CYTH1: variants seen among roughly 807,000 people sequenced by gnomAD.
CYTH1 encodes cytohesin 1.
In CYTH1, 18 loss-of-function variants were observed where a neutral mutation model predicts 61.8. The ratio of observed to expected loss-of-function variants is 0.29; its 90% CI spans 0.20 to 0.43. The LOEUF is 0.43. Ranked by LOEUF, CYTH1 falls within the 20% of genes least tolerant of loss-of-function variation. The probability of loss-of-function intolerance (pLI) is 1.00; values close to 1 mark genes in which losing one functional copy is unlikely to be tolerated. For synonymous variants in CYTH1, 174 were observed against 184.3 expected (o/e 0.94, Z 0.45); for missense variants, 336 against 510.5 (o/e 0.66, Z 3.29).
At chr17:78,749,168 A>T (rs1416086220) in intron 1 of CYTH1, among the ~76,000 whole-genome samples, 1 of 152,138 alleles carries the variant, frequency 6.6e-6, no homozygotes, top group Admixed American at 6.5e-5. Context: ...TTGGGAGGCC[A>T]AGGTGGGAGG....
chr17:78,701,629 C>A, intron 6 of CYTH1, 42 bp downstream of exon 6: 1 of 1,576,230 alleles, frequency 6.3e-7, no homozygotes, highest in Non-Finnish European at 8.7e-7. Context: ...CAAAGGCTAG[C>A]CTCCCACTCC....
In CYTH1 at chr17:78,726,271, T is replaced by C. The variant is rs575880805; in HGVS notation, c.23-16539A>G. Among the ~76,000 whole-genome samples the C allele has an allele frequency of 5.9e-5, 9 of 152,192 alleles. 1 individual carries two copies. The highest frequency in any genetic ancestry group is 1.7e-4 in the African/African-American group (7 of 41,524). ...ATTAGCCAGGATGGTCTCGATCTCC[T>C]GACCTTGTGATCTGCCCGCCTCAGC... On this transcript the variant is annotated intron_variant, in intron 1 of 13. Coordinates refer to ENST00000446868, the MANE Select transcript of CYTH1 (RefSeq NM_004762.6).
chr17:78,676,257 G>A (rs995822874), intron 13 of CYTH1, 88 bp from the exon 14 acceptor site: 239 of 1,348,520 alleles, frequency 1.8e-4, no homozygotes, highest in Non-Finnish European at 2.2e-4. Context: ...GGGGCCCCTC[G>A]TGCCCCAGAA....
intron 11 of CYTH1, among the ~76,000 whole-genome samples, chr17:78,689,587 CCG>C (rs1409095322): frequency 6.6e-6 from 1 of 152,192 alleles, no homozygotes; most frequent in Non-Finnish European, 1.5e-5. Context: ...CACTCACCTC[CCG>C]CTGTGTGGCC....
intron 1 of CYTH1, among the ~76,000 whole-genome samples, chr17:78,726,331 C>T (rs1435864149): frequency 6.6e-6 from 1 of 152,042 alleles, no homozygotes; most frequent in African/African-American, 2.4e-5. Context: ...CGTGAGCCAC[C>T]GCGCCCGGCC....
intron 1 of CYTH1, among the ~76,000 whole-genome samples, chr17:78,727,326 T>C (rs1026865766): frequency 6.6e-6 from 1 of 152,246 alleles, no homozygotes; most frequent in Non-Finnish European, 1.5e-5. Flanking sequence ...TTTTTACTTT[T>C]TTCTTTAAAT....
chr17:78,781,889 C>T (rs2093519830), intron 1 of CYTH1, among the ~76,000 whole-genome samples: 1 of 151,626 alleles, frequency 6.6e-6, no homozygotes, highest in African/African-American at 2.4e-5. Context: ...CAACGACCCT[C>T]ATTCCTCAGA....
intron 1 of CYTH1, among the ~76,000 whole-genome samples, chr17:78,761,125 G>A (rs935063985): frequency 2.0e-5 from 3 of 151,988 alleles, no homozygotes; most frequent in Admixed American, 1.3e-4. Context: ...GAGCCACCGC[G>A]CCCAGCCTCG....
intron 10 of CYTH1, among the ~76,000 whole-genome samples, chr17:78,695,687 C>T (rs962487303): frequency 1.3e-5 from 2 of 152,184 alleles, no homozygotes; most frequent in African/African-American, 2.4e-5. Flanking sequence ...TCAAACATAG[C>T]GCATGTCTTA....
Position 78,676,034 on chromosome 17 carries a change from G to T in CYTH1, c.*57C>A, listed in dbSNP as rs796941964. 1.3e-6 allele frequency: 2 copies of T among 1,564,954 alleles called. No individual in the cohort carries two copies. The highest frequency in any genetic ancestry group is 1.2e-5 in the South Asian group (1 of 85,184). On this transcript the variant is annotated 3_prime_UTR_variant, in exon 14 of 14. Transcript: ENST00000446868. ...TCGGCAGCAGTGCATCCATGGAGGT[G>T]CGGGAGAAGAGCAGGAGCTCCAAGG...
Position 78,698,822 on chromosome 17 carries a change from G to A in CYTH1, c.697C>T (p.Arg233Trp), listed in dbSNP as rs757417957. ...DGGDLPEELL[R>W]NLYESIKNEP... Reference sequence around the variant, plus strand: ...GAAGACCATTCTTCCTTGCTTACCCGGAGGAGCTCCTCCGGCAGGTCTCCC... The same window carrying A: ...GAAGACCATTCTTCCTTGCTTACCCAGAGGAGCTCCTCCGGCAGGTCTCCC... The change falls in exon 8 of 14, where the codon CGG (arginine) becomes TGG (tryptophan). Residue 233 changes from arginine (R) to tryptophan (W), a missense_variant and splice_region_variant. Physicochemically the swap from Arg to Trp is moderately radical, Grantham distance 101. Coordinates refer to ENST00000446868, the MANE Select transcript of CYTH1 (RefSeq NM_004762.6). The A allele has an allele frequency of 1.3e-5, 20 of 1,575,026 alleles. No individual in the cohort carries two copies. The highest frequency in any genetic ancestry group is 2.3e-5 in the East Asian group (1 of 43,190).
chr17:78,689,180 A>G (rs543018230), intron 11 of CYTH1, among the ~76,000 whole-genome samples: 1 of 152,264 alleles, frequency 6.6e-6, no homozygotes, highest in Non-Finnish European at 1.5e-5. Flanking sequence ...GTACAATTGA[A>G]GTACATCAGC....
chr17:78,746,953 A>G (rs2093361576), intron 1 of CYTH1, among the ~76,000 whole-genome samples: 1 of 151,822 alleles, frequency 6.6e-6, no homozygotes, highest in Non-Finnish European at 1.5e-5. Context: ...CAAAAATAAT[A>G]ATAATAAAAG....
At chr17:78,750,428 C>T (rs2093375516) in intron 1 of CYTH1, among the ~76,000 whole-genome samples, 1 of 152,112 alleles carries the variant, frequency 6.6e-6, no homozygotes, top group Non-Finnish European at 1.5e-5. Context: ...AAATGTGGCA[C>T]TGGGATGTCA....
At chr17:78,714,478 G>A (rs535981658) in intron 1 of CYTH1, among the ~76,000 whole-genome samples, 1 of 152,274 alleles carries the variant, frequency 6.6e-6, no homozygotes, top group African/African-American at 2.4e-5. Context: ...CAGGGACACC[G>A]TATGCCTTGT....
chr17:78,762,898 G>C (rs1401970929), intron 1 of CYTH1, among the ~76,000 whole-genome samples: 1 of 152,198 alleles, frequency 6.6e-6, no homozygotes, highest in Non-Finnish European at 1.5e-5. Context: ...GGCCCAGTGA[G>C]ACCCATTCCA....
rs552722718 is a variant in CYTH1 at position 78,775,328 on chromosome 17, C to CT, written c.22+6873dup. Among the ~76,000 whole-genome samples the CT allele has an allele frequency of 1.8e-3, 268 of 152,204 alleles. 3 individuals carry two copies. Among genetic ancestry groups the CT allele is most frequent in the African/African-American group, 6.1e-3 (253 of 41,530 alleles). On this transcript the variant is annotated intron_variant, in intron 1 of 13. Coordinates refer to ENST00000446868, the MANE Select transcript of CYTH1 (RefSeq NM_004762.6). ...GCCTCGGGTGCTAAGGGTCTTTTTT[C>CT]TTTTTACCCCTGTCCTGAGTATTCC...
intron 1 of CYTH1, among the ~76,000 whole-genome samples, chr17:78,748,915 T>C (rs977554074): frequency 6.6e-6 from 1 of 152,132 alleles, no homozygotes; most frequent in Non-Finnish European, 1.5e-5. Flanking sequence ...CACCCATCCT[T>C]TACTCAGCTG....
intron 1 of CYTH1, among the ~76,000 whole-genome samples, chr17:78,779,853 T>C (rs2093509584): frequency 6.6e-6 from 1 of 152,240 alleles, no homozygotes; most frequent in Non-Finnish European, 1.5e-5. Flanking sequence ...AGCAGAACCC[T>C]AAAACAAATG....
Sources: allele counts gnomAD v4.1 joint callset (sites outside exome capture counted in the v4.1 genomes callset), GRCh38; gene constraint gnomAD v4.1.1; transcripts MANE v1.5; gene names NCBI Gene and HGNC (gene_info 2026-07-23, HGNC 2026-07-21).